The following RAB30 variants were observed in gnomAD, a reference collection of about 807,000 sequenced individuals.
RAB30 encodes RAB30, member RAS oncogene family, also known as ras-related protein Rab-30.
Under a neutral mutation model 25.1 loss-of-function variants are expected in RAB30, and 9 were observed. That is an observed-to-expected ratio of 0.36 (90% confidence interval 0.22 to 0.63). RAB30 has a LOEUF of 0.63. RAB30 is among the 20% of genes least tolerant of loss of function. RAB30 has a pLI of 0.69. For missense variants in RAB30, 140 were observed against 243.5 expected (o/e 0.58, Z 2.83); for synonymous variants, 77 against 86.4 (o/e 0.89, Z 0.60).
chr11:83,053,387 C>T (rs117745894), intron 1 of RAB30, among the ~76,000 whole-genome samples: 5,235 of 152,226 alleles, frequency 0.034, 129 homozygotes, highest in Middle Eastern at 0.11. Flanking sequence ...ACTTTTGCCC[C>T]TCAACCTCCA....
In RAB30 at chr11:82,978,814, T is replaced by C. The variant is rs1180759048; in HGVS notation, c.*3351A>G. On this transcript the variant is annotated 3_prime_UTR_variant, in exon 5 of 5. Coordinates refer to ENST00000527633, the MANE Select transcript of RAB30 (RefSeq NM_001286060.2). ...TCTGGCCAAATCTAAACGGCTTAAA[T>C]AATCCTCATCCAAATATCTTATTTT... 1.3e-5 allele frequency: 2 copies of C among 152,222 alleles called. No homozygotes were observed. The highest frequency in any genetic ancestry group is 2.9e-5 in the Non-Finnish European group (2 of 68,036). The allele number at this position is 152,222 out of a possible 1,614,324, so 9.4% of individuals were successfully genotyped here. A position where few individuals can be genotyped will look rare whatever the true frequency, so the allele number is the denominator to read the frequency against.
intron 1 of RAB30, among the ~76,000 whole-genome samples, chr11:83,053,156 T>C (rs1793081283): frequency 6.6e-6 from 1 of 152,136 alleles, no homozygotes; most frequent in East Asian, 1.9e-4. Flanking sequence ...ATAGAAACTC[T>C]AGTGTTTTGA....
Position 82,982,013 on chromosome 11 carries a change from G to A in RAB30, c.*152C>T, listed in dbSNP as rs918617486. On this transcript the variant is annotated 3_prime_UTR_variant, in exon 5 of 5. Coordinates refer to ENST00000527633, the MANE Select transcript of RAB30 (RefSeq NM_001286060.2). ...GTTCTGCTAATGCTGGCCTGTGGTC[G>A]AGGCCCTTGGCCTGCCATGCTTTGT... is the stretch of plus-strand genomic sequence containing the variant. The A allele has an allele frequency of 4.0e-6, 4 of 1,010,670 alleles. No homozygotes were observed. Among genetic ancestry groups the A allele is most frequent in the African/African-American group, 1.6e-5 (1 of 61,900 alleles). 62.6% of individuals were successfully genotyped at this position (1,010,670 alleles called of 1,614,324 possible).
chr11:83,036,547 A>G (rs1352951220), intron 1 of RAB30, among the ~76,000 whole-genome samples: 1 of 152,182 alleles, frequency 6.6e-6, no homozygotes, highest in Non-Finnish European at 1.5e-5. Flanking sequence ...ATAGTTATTG[A>G]GCACTTTCTA....
At chr11:83,000,614 A>C (rs1857057106) in intron 1 of RAB30, among the ~76,000 whole-genome samples, 1 of 152,030 alleles carries the variant, frequency 6.6e-6, no homozygotes, top group Admixed American at 6.5e-5. Context: ...TTTGACACAC[A>C]CTCATTTCTA....
chr11:82,986,945 T>C (rs1239304641), intron 4 of RAB30: 1 of 152,230 alleles, frequency 6.6e-6, no homozygotes, highest in African/African-American at 2.4e-5. Context: ...GAAGAAAATA[T>C]GTTAATGATC....
intron 1 of RAB30, chr11:83,034,620 C>T (rs1017935776): frequency 4.6e-5 from 7 of 152,090 alleles, no homozygotes; most frequent in African/African-American, 1.7e-4. Flanking sequence ...AGCTCTCTGC[C>T]CACAGCTGCA....
At chr11:82,986,611 G>T (rs1253877501) in intron 4 of RAB30, among the ~76,000 whole-genome samples, 1 of 152,180 alleles carries the variant, frequency 6.6e-6, no homozygotes, top group Non-Finnish European at 1.5e-5. Flanking sequence ...CAGCCTGAAG[G>T]AAAAGTCCAG....
intron 1 of RAB30, chr11:83,035,789 A>G (rs1288445135): frequency 6.6e-6 from 1 of 152,256 alleles, no homozygotes; most frequent in Non-Finnish European, 1.5e-5. Context: ...AGTATCACTC[A>G]GTGCAACAGC....
chr11:83,041,287 C>A, intron 1 of RAB30: 1 of 182,564 alleles, frequency 5.5e-6, no homozygotes, highest in South Asian at 1.3e-4. Flanking sequence ...GAACTTGGCC[C>A]TGTGGAGGGC....
At position 82,979,418 on chromosome 11, in the gene RAB30, A is replaced by G. The variant is rs1312965421; in HGVS notation, c.*2747T>C. The G allele has an allele frequency of 6.6e-6, 1 of 152,192 alleles. No homozygotes were observed. Among genetic ancestry groups the G allele is most frequent in the African/African-American group, 2.4e-5 (1 of 41,452 alleles). The allele number at this position is 152,192 out of a possible 1,614,324, so 9.4% of individuals were successfully genotyped here. A position where few individuals can be genotyped will look rare whatever the true frequency, so the allele number is the denominator to read the frequency against. On this transcript the variant is annotated 3_prime_UTR_variant, in exon 5 of 5. Coordinates refer to ENST00000527633, the MANE Select transcript of RAB30 (RefSeq NM_001286060.2). The stretch of plus-strand genomic sequence containing the variant: ...CTTTTTTCATCCACCACTAAATGAG[A>G]GTTCATTTTTATCTAAAGAAGGCTC...
intron 3 of RAB30, among the ~76,000 whole-genome samples, chr11:82,990,939 G>A (rs1038346670): frequency 1.3e-5 from 2 of 151,894 alleles, no homozygotes; most frequent in African/African-American, 4.8e-5. Flanking sequence ...CTGATTTGGC[G>A]CTTACTTGGC....
At chr11:83,005,569 C>T (rs1460576201) in intron 1 of RAB30, among the ~76,000 whole-genome samples, 2 of 152,110 alleles carry the variant, frequency 1.3e-5, no homozygotes, top group African/African-American at 4.8e-5. Flanking sequence ...GTCTGTCTCA[C>T]TCCTTATACT....
rs1856615666 is a variant in RAB30, at chr11:82,980,258, G to A, written c.*1907C>T. 1 of 152,138 alleles carries A rather than the reference G, an allele frequency of 6.6e-6. No individual in the cohort carries two copies. Among genetic ancestry groups the A allele is most frequent in the African/African-American group, 2.4e-5 (1 of 41,424 alleles). 9.4% of individuals were successfully genotyped at this position (152,138 alleles called of 1,614,324 possible). A position where few individuals can be genotyped will look rare whatever the true frequency, so the allele number is the denominator to read the frequency against. ...ATTAAAATGACTTTTCTTTCCTGCA[G>A]AGACAGATTCTAAAAGAAAAACAAG... On this transcript the variant is annotated 3_prime_UTR_variant, in exon 5 of 5. Coordinates refer to ENST00000527633, the MANE Select transcript of RAB30 (RefSeq NM_001286060.2).
intron 1 of RAB30, among the ~76,000 whole-genome samples, chr11:83,046,214 G>C (rs1858229651): frequency 6.6e-6 from 1 of 152,236 alleles, no homozygotes; most frequent in Non-Finnish European, 1.5e-5. Context: ...GTCCTGGAAA[G>C]TGATAGGCAC....
chr11:82,997,189 C>T (rs1192435576), intron 2 of RAB30, 35 bp downstream of exon 2: 2 of 1,546,280 alleles, frequency 1.3e-6, no homozygotes. Flanking sequence ...CAAACCCAAC[C>T]CTGGGCTTAC....
At chr11:83,024,425 A>G in intron 1 of RAB30, among the ~76,000 whole-genome samples, 1 of 152,200 alleles carries the variant, frequency 6.6e-6, no homozygotes, top group East Asian at 1.9e-4. Flanking sequence ...GGACTCTAGG[A>G]TGACTCAACT....
chr11:83,053,072 T>C (rs1326404641), intron 1 of RAB30, among the ~76,000 whole-genome samples: 4 of 152,328 alleles, frequency 2.6e-5, no homozygotes, highest in Admixed American at 2.6e-4. Flanking sequence ...CTCCCCTAAC[T>C]ATCATGAATC....
In RAB30 at chr11:83,071,873, G is replaced by T; in HGVS notation, c.-191C>A. On this transcript the variant is annotated 5_prime_UTR_variant, in exon 1 of 5. In the 5' UTR this introduces an upstream ATG that the reference lacks. Coordinates refer to ENST00000527633, the MANE Select transcript of RAB30 (RefSeq NM_001286060.2). The stretch of plus-strand genomic sequence containing the variant: ...GGCAATCGCAAGCCCAGCAGCAGCA[G>T]GGGGTGGAGAGACCGTAGCACAATG... 5.2e-6 allele frequency: 2 copies of T among 381,978 alleles called. No individual in the cohort carries two copies. Among genetic ancestry groups the T allele is most frequent in the East Asian group, 7.6e-5 (2 of 26,488 alleles). 23.7% of individuals were successfully genotyped at this position (381,978 alleles called of 1,614,324 possible).
Sources: gnomAD v4.1 joint callset for allele counts (sites outside exome capture counted in the v4.1 genomes callset) on GRCh38, gnomAD v4.1.1 for gene constraint, MANE v1.5 for transcripts, NCBI Gene and HGNC (gene_info 2026-07-23, HGNC 2026-07-21) for gene names.